The following KATNIP variants were observed in gnomAD, a reference collection of about 807,000 sequenced individuals.
KATNIP encodes the protein katanin-interacting protein.
In KATNIP, 126 loss-of-function variants were observed where a neutral mutation model predicts 174.0. The observed-to-expected ratio is 0.72, with a 90% CI of 0.63 to 0.84. The LOEUF (loss-of-function observed/expected upper bound fraction) is 0.84, where lower values mean the gene tolerates loss of function less well. Ranked by LOEUF, KATNIP falls within the 40% of genes least tolerant of loss-of-function variation. The probability of loss-of-function intolerance (pLI) is 0.00; values close to 1 mark genes in which losing one functional copy is unlikely to be tolerated. For missense variants in KATNIP, 1,958 were observed against 2,109.7 expected (o/e 0.93, Z 1.41); for synonymous variants, 810 against 835.7 (o/e 0.97, Z 0.53).
chr16:27,678,627 C>T (rs1200918957), intron 7 of KATNIP, among the ~76,000 whole-genome samples: 2 of 152,208 alleles, frequency 1.3e-5, no homozygotes, highest in Non-Finnish European at 2.9e-5. Context: ...CAGCAAAAGT[C>T]CCAGACCTGG....
chr16:27,654,454 G>A (rs1387426610), intron 6 of KATNIP, among the ~76,000 whole-genome samples: 1 of 152,178 alleles, frequency 6.6e-6, no homozygotes, highest in African/African-American at 2.4e-5. Context: ...GCAGGGATGA[G>A]AGTGATCAGA....
intron 12 of KATNIP, among the ~76,000 whole-genome samples, chr16:27,704,848 T>C (rs1380183439): frequency 1.3e-5 from 2 of 151,878 alleles, no homozygotes; most frequent in African/African-American, 2.4e-5. Context: ...AAAAGGGAAC[T>C]GTGGCATCAG....
intron 6 of KATNIP, 119 bp from the exon 7 acceptor site, chr16:27,677,610 T>C: frequency 9.4e-7 from 1 of 1,062,444 alleles, no homozygotes; most frequent in Non-Finnish European, 1.3e-6. Flanking sequence ...AGGGTTGAGA[T>C]AATATTGTTA....
chr16:27,645,039 C>A (rs999304417), intron 5 of KATNIP, among the ~76,000 whole-genome samples: 1 of 152,210 alleles, frequency 6.6e-6, no homozygotes, highest in Non-Finnish European at 1.5e-5. Flanking sequence ...TCAAGCCAGC[C>A]CTGGCCCTGC....
rs2082628654 is a variant in KATNIP at position 27,779,827 on chromosome 16, T to C, written c.*1198T>C. The C allele has an allele frequency of 2.0e-5, 3 of 152,260 alleles. No individual in the cohort carries two copies. Among genetic ancestry groups the C allele is most frequent in the Admixed American group, 2.0e-4 (3 of 15,278 alleles). 9.4% of individuals were successfully genotyped at this position (152,260 alleles called of 1,614,324 possible). On this transcript the variant is annotated 3_prime_UTR_variant, in exon 28 of 28. Coordinates refer to ENST00000261588, the MANE Select transcript of KATNIP (RefSeq NM_015202.5). ...GTTGCAAATATTAATCCGTTGTTTT[T>C]CTGGCGCCCAGCCCGGCCCGCCGCA...
rs1402944893 is a variant in KATNIP at position 27,662,033 on chromosome 16, TATATATATACACATAC to T, written c.540+13308_540+13323del. Among the ~76,000 whole-genome samples the T allele has an allele frequency of 9.7e-4, 47 of 48,312 alleles. 9 individuals carry two copies. The highest frequency in any genetic ancestry group is 1.5e-3 in the Non-Finnish European group (41 of 26,474). 31.7% of individuals were successfully genotyped at this position (48,312 alleles called of 152,430 possible). A position where few individuals can be genotyped will look rare whatever the true frequency, so the allele number is the denominator to read the frequency against. On this transcript the variant is annotated intron_variant, in intron 6 of 27. Transcript: ENST00000261588. ...ATATATATACACATACATATATATATATATATATACACATACATATATATATATATATATATATACA... is the reference window on the plus strand; with the variant it reads ...ATATATATACACATACATATATATATATATATATATATATATATATATACA...
At chr16:27,593,778 G>A (rs8046403) in intron 2 of KATNIP, among the ~76,000 whole-genome samples, 121,079 of 152,142 alleles carry the variant, frequency 0.8, 48,556 homozygotes, top group East Asian at 1. Context: ...AAAGGGCTAG[G>A]ATTACTTCAG....
chr16:27,751,682 G>A (rs1297887878), intron 16 of KATNIP, 37 bp from the exon 17 acceptor site: 1 of 1,597,852 alleles, frequency 6.3e-7, no homozygotes, highest in South Asian at 1.1e-5. Context: ...GGGATGTGAA[G>A]TGAGTTGACC....
intron 8 of KATNIP, among the ~76,000 whole-genome samples, chr16:27,693,477 C>T (rs2078806892): frequency 6.6e-6 from 1 of 152,168 alleles, no homozygotes; most frequent in South Asian, 2.1e-4. Flanking sequence ...CAACTTCTGC[C>T]TCCCGGGTTC....
intron 8 of KATNIP, among the ~76,000 whole-genome samples, chr16:27,695,925 A>C (rs1017483179): frequency 6.6e-6 from 1 of 152,106 alleles, no homozygotes; most frequent in Non-Finnish European, 1.5e-5. Flanking sequence ...ACCCCTACCC[A>C]TTCCCCAGAT....
chr16:27,584,769 C>T (rs1250548365), intron 2 of KATNIP, among the ~76,000 whole-genome samples: 5 of 151,060 alleles, frequency 3.3e-5, no homozygotes, highest in Admixed American at 2.6e-4. Flanking sequence ...CCAGCTTGGG[C>T]GACAAGAGCG....
chr16:27,713,504 A>G lies in KATNIP; in HGVS notation c.1605+4584A>G, dbSNP rs535954369. ...CTATAATCCCAGCACACTTTGGGAGATCGAGGCAGGAGGATCACTTGAGGC... is the reference window on the plus strand; with the variant it reads ...CTATAATCCCAGCACACTTTGGGAGGTCGAGGCAGGAGGATCACTTGAGGC... On this transcript the variant is annotated intron_variant, in intron 13 of 27. Coordinates refer to ENST00000261588, the MANE Select transcript of KATNIP (RefSeq NM_015202.5). 1.9e-3 allele frequency among the ~76,000 whole-genome samples: 283 copies of G among 151,718 alleles called. 2 individuals are homozygous for G. The highest frequency in any genetic ancestry group is 3.5e-3 in the Non-Finnish European group (235 of 67,914).
At chr16:27,564,808 C>T (rs2090021833) in intron 1 of KATNIP, among the ~76,000 whole-genome samples, 1 of 151,832 alleles carries the variant, frequency 6.6e-6, no homozygotes, top group Non-Finnish European at 1.5e-5. Flanking sequence ...TCTTCTTGCC[C>T]AAGTTGGAGT....
In KATNIP at chr16:27,749,826, T is replaced by C. The variant is rs755064137; in HGVS notation, c.2866T>C (p.Tyr956His). ...AGGGCTGTCGAGAGGGCAGGATGGCTACTCTGGAGAGACAGACGCTGGGGG... is the reference window on the plus strand; with the variant it reads ...AGGGCTGTCGAGAGGGCAGGATGGCCACTCTGGAGAGACAGACGCTGGGGG... ...QPGLSRGQDG[Y>H]SGETDAGGDF... The change falls in exon 16 of 28, where the codon TAC becomes CAC. Residue 956 changes from tyrosine (Y) to histidine (H), a missense_variant. Transcript: ENST00000261588. The C allele has an allele frequency of 4.3e-6, 7 of 1,613,716 alleles. No homozygotes were observed. Among genetic ancestry groups the C allele is most frequent in the Middle Eastern group, 3.3e-4 (2 of 6,082 alleles).
In KATNIP at chr16:27,713,788, A is replaced by ATGTGTG. The variant is rs199886034; in HGVS notation, c.1605+4878_1605+4883dup. 7.7e-4 allele frequency among the ~76,000 whole-genome samples: 69 copies of ATGTGTG among 89,144 alleles called. 3 individuals are homozygous for ATGTGTG. Among genetic ancestry groups the ATGTGTG allele is most frequent in the African/African-American group, 3.0e-3 (63 of 20,692 alleles). The allele number at this position is 89,144 out of a possible 152,430, so 58.5% of individuals were successfully genotyped here. ...ATATGTATATATACACATATTATAT[A>ATGTGTG]TGTGTGTGTGTGTGTATATACATAT... is the stretch of plus-strand genomic sequence containing the variant. On this transcript the variant is annotated intron_variant, in intron 13 of 27. Transcript: ENST00000261588.
intron 2 of KATNIP, among the ~76,000 whole-genome samples, chr16:27,612,699 C>T (rs1040322940): frequency 6.6e-6 from 1 of 151,844 alleles, no homozygotes; most frequent in African/African-American, 2.4e-5. Flanking sequence ...GTGGAGGTTG[C>T]AGTGAGCCAA....
At chr16:27,778,407 C>T (rs571935563) in intron 27 of KATNIP, among the ~76,000 whole-genome samples, 167 bp from the exon 28 acceptor site, 1 of 152,320 alleles carries the variant, frequency 6.6e-6, no homozygotes, top group East Asian at 1.9e-4. Flanking sequence ...GCAGAGCCTG[C>T]TCCAGGCGGA....
intron 15 of KATNIP, among the ~76,000 whole-genome samples, chr16:27,741,624 C>T (rs570402447): frequency 3.6e-4 from 54 of 152,104 alleles, no homozygotes; most frequent in African/African-American, 1.2e-3. Flanking sequence ...AAGGCCAGGC[C>T]GGGCGCAATG....
At chr16:27,731,614 TTTTTC>T (rs2080688286) in intron 14 of KATNIP, among the ~76,000 whole-genome samples, 1 of 151,764 alleles carries the variant, frequency 6.6e-6, no homozygotes, top group South Asian at 2.1e-4. Flanking sequence ...CCTGTCTTTC[TTTTTC>T]TTTTCTTTTT....
Sources: allele counts gnomAD v4.1 joint callset (sites outside exome capture counted in the v4.1 genomes callset), GRCh38; gene constraint gnomAD v4.1.1; transcripts MANE v1.5; gene names NCBI Gene and HGNC (gene_info 2026-07-23, HGNC 2026-07-21).